GRM8: variants seen among roughly 807,000 people sequenced by gnomAD.
GRM8 encodes the protein glutamate metabotropic receptor 8.
A neutral mutation model predicts 87.2 loss-of-function variants in GRM8; 47 were observed. That is an observed-to-expected ratio of 0.54 (90% CI 0.43 to 0.69). GRM8 has a LOEUF of 0.69. Among genes scored for constraint, GRM8 ranks in the 30% least tolerant of loss-of-function variants. The probability of loss-of-function intolerance (pLI) is 0.00; values close to 1 mark genes in which losing one functional copy is unlikely to be tolerated. For missense variants in GRM8, 1,019 were observed against 1,139.2 expected (o/e 0.89, Z 1.52); for synonymous variants, 396 against 404.5 (o/e 0.98, Z 0.25).
intron 7 of GRM8, among the ~76,000 whole-genome samples, chr7:126,673,430 G>A (rs561578516): frequency 6.6e-6 from 1 of 152,288 alleles, no homozygotes; most frequent in Non-Finnish European, 1.5e-5. Flanking sequence ...ATCCACTTAA[G>A]GTAGCCATGT....
At chr7:126,859,455 CAAG>C (rs1485545420) in intron 6 of GRM8, among the ~76,000 whole-genome samples, 1 of 152,016 alleles carries the variant, frequency 6.6e-6, no homozygotes, top group Non-Finnish European at 1.5e-5. Flanking sequence ...GAGAAAGGAA[CAAG>C]AAGTTTTTGT....
At chr7:126,924,567 T>G (rs1200512765) in intron 3 of GRM8, among the ~76,000 whole-genome samples, 1 of 152,182 alleles carries the variant, frequency 6.6e-6, no homozygotes, top group Non-Finnish European at 1.5e-5. Context: ...ATTGCCTGCC[T>G]TTTTGCTTTT....
chr7:126,658,978 T>A (rs1181444834), intron 7 of GRM8, among the ~76,000 whole-genome samples: 1 of 151,934 alleles, frequency 6.6e-6, no homozygotes, highest in Non-Finnish European at 1.5e-5. Context: ...AGTACAGATA[T>A]AAAGACAAAG....
In GRM8 at chr7:126,488,369, C is replaced by T. The variant is rs144122656; in HGVS notation, c.2431-41997G>A. Reference sequence around the variant, plus strand: ...GTATTATGATGAAAATAGGGTTCATCGTTCTTCACAGTCCCTGAAAATGTC... The same window carrying T: ...GTATTATGATGAAAATAGGGTTCATTGTTCTTCACAGTCCCTGAAAATGTC... On this transcript the variant is annotated intron_variant, in intron 9 of 10. Coordinates refer to ENST00000339582, the MANE Select transcript of GRM8 (RefSeq NM_000845.3). 2.6e-3 allele frequency among the ~76,000 whole-genome samples: 397 copies of T among 151,996 alleles called. 2 individuals are homozygous for T. The highest frequency in any genetic ancestry group is 9.3e-3 in the African/African-American group (384 of 41,496).
At chr7:126,796,166 CAAAT>C (rs1821928400) in intron 6 of GRM8, among the ~76,000 whole-genome samples, 1 of 151,922 alleles carries the variant, frequency 6.6e-6, no homozygotes, top group East Asian at 1.9e-4. Flanking sequence ...AGAAAGAACA[CAAAT>C]TAATTAATAT....
chr7:126,575,812 T>C (rs1293482387), intron 8 of GRM8, among the ~76,000 whole-genome samples: 1 of 152,194 alleles, frequency 6.6e-6, no homozygotes, highest in Non-Finnish European at 1.5e-5. Context: ...TTGCTTTCTT[T>C]CTTATATTTG....
At chr7:126,625,475 C>T (rs1585268667) in intron 7 of GRM8, among the ~76,000 whole-genome samples, 1 of 151,258 alleles carries the variant, frequency 6.6e-6, no homozygotes. Context: ...AATAGCATTT[C>T]TAATTCTCTG....
chr7:127,227,805 G>C (rs1015206071), intron 2 of GRM8, among the ~76,000 whole-genome samples: 2 of 152,182 alleles, frequency 1.3e-5, no homozygotes, highest in Admixed American at 1.3e-4. Flanking sequence ...AACGTTTCTG[G>C]AAGCCATGTG....
chr7:126,872,754 C>T (rs1004528325), intron 6 of GRM8, among the ~76,000 whole-genome samples: 4 of 152,126 alleles, frequency 2.6e-5, no homozygotes, highest in Non-Finnish European at 4.4e-5. Context: ...ATATATTACA[C>T]AGGTGCATCA....
At chr7:126,758,299 C>T (rs893865602) in intron 7 of GRM8, among the ~76,000 whole-genome samples, 4 of 152,166 alleles carry the variant, frequency 2.6e-5, no homozygotes, top group African/African-American at 9.7e-5. Flanking sequence ...TCATTAAATG[C>T]TCACAATAAA....
intron 7 of GRM8, among the ~76,000 whole-genome samples, chr7:126,688,739 GAC>G (rs3831573): frequency 7.8e-4 from 113 of 145,612 alleles, no homozygotes; most frequent in African/African-American, 1.2e-3. Context: ...CTCTCTTTCT[GAC>G]ACACACACAC....
intron 9 of GRM8, among the ~76,000 whole-genome samples, chr7:126,476,538 T>C (rs1007417106): frequency 2.0e-5 from 3 of 152,106 alleles, no homozygotes; most frequent in African/African-American, 7.2e-5. Flanking sequence ...AAGAAAGTCA[T>C]ATAACTCAAT....
intron 9 of GRM8, among the ~76,000 whole-genome samples, chr7:126,488,901 G>T (rs533933974): frequency 4.4e-4 from 67 of 151,850 alleles, no homozygotes; most frequent in African/African-American, 1.5e-3. Flanking sequence ...TATTGTATTT[G>T]TAGGGAAAAC....
chr7:126,979,398 T>C (rs748413237), intron 3 of GRM8, among the ~76,000 whole-genome samples: 4 of 152,228 alleles, frequency 2.6e-5, no homozygotes, highest in African/African-American at 9.6e-5. Context: ...TCTAATTTAA[T>C]ACATAGCTAA....
chr7:126,990,301 G>C (rs573914923), intron 3 of GRM8, among the ~76,000 whole-genome samples: 20 of 151,142 alleles, frequency 1.3e-4, no homozygotes, highest in Admixed American at 6.6e-4. Flanking sequence ...AAACCCACCA[G>C]AGGGTTCCCT....
At chr7:126,521,304 G>T (rs2150792029) in intron 9 of GRM8, among the ~76,000 whole-genome samples, 1 of 152,112 alleles carries the variant, frequency 6.6e-6, no homozygotes, top group South Asian at 2.1e-4. Context: ...TTTTTCCCAA[G>T]ATACACTTGA....
At chr7:127,125,799 C>CACACACACACACAA (rs1554598092) in intron 2 of GRM8, among the ~76,000 whole-genome samples, 1 of 150,564 alleles carries the variant, frequency 6.6e-6, no homozygotes, top group African/African-American at 2.4e-5. Flanking sequence ...CACACACACA[C>CACACACACACACAA]AAATAACTAT....
At chr7:126,942,098 A>C (rs552217343) in intron 3 of GRM8, among the ~76,000 whole-genome samples, 1 of 152,360 alleles carries the variant, frequency 6.6e-6, no homozygotes, top group South Asian at 2.1e-4. Flanking sequence ...TTCAAAAAGA[A>C]TCAGGCAGGA....
chr7:126,952,512 C>T (rs1808269711), intron 3 of GRM8, among the ~76,000 whole-genome samples: 1 of 151,942 alleles, frequency 6.6e-6, no homozygotes, highest in Non-Finnish European at 1.5e-5. Context: ...AAAGCATGTC[C>T]CCCAAGATCT....
Sources: allele counts gnomAD v4.1 joint callset (sites outside exome capture counted in the v4.1 genomes callset), GRCh38; gene constraint gnomAD v4.1.1; transcripts MANE v1.5; gene names NCBI Gene and HGNC (gene_info 2026-07-23, HGNC 2026-07-21).